Variants in RBFOX1 observed in about 807,000 individuals in gnomAD.
The protein encoded by RBFOX1 is RNA binding protein fox-1 homolog 1.
RBFOX1 carries 8 observed loss-of-function variants against 57.7 expected under a neutral mutation model. The observed-to-expected ratio is 0.14, with a 90% CI of 0.08 to 0.25. The LOEUF (loss-of-function observed/expected upper bound fraction) is 0.25. Ranked by LOEUF, RBFOX1 falls within the 10% of genes least tolerant of loss-of-function variation. The pLI is 1.00. For synonymous variants in RBFOX1, 326 were observed against 222.4 expected, an observed-to-expected ratio of 1.47 and a Z score of -4.15; for missense variants, 611 against 548.5, an observed-to-expected ratio of 1.11 and a Z score of -1.14.
At chr16:6,664,190 A>G (rs1023289450) in intron 3 of RBFOX1, among the ~76,000 whole-genome samples, 1 of 151,930 alleles carries the variant, frequency 6.6e-6, no homozygotes, top group African/African-American at 2.4e-5. Context: ...GGACAAAGAG[A>G]TCTAACACCA....
chr16:5,249,773 A>G (rs1429760559), intron 1 of RBFOX1, among the ~76,000 whole-genome samples: 2 of 152,252 alleles, frequency 1.3e-5, no homozygotes, highest in East Asian at 3.8e-4. Flanking sequence ...AGCTTGGCCA[A>G]AATAGTGAAA....
intron 1 of RBFOX1, among the ~76,000 whole-genome samples, chr16:6,088,305 T>A (rs1483249484): frequency 6.6e-6 from 1 of 152,202 alleles, no homozygotes; most frequent in African/African-American, 2.4e-5. Context: ...ATAAGGGTAT[T>A]TTCACAGATG....
intron 4 of RBFOX1, among the ~76,000 whole-genome samples, chr16:7,089,949 C>T (rs1018797043): frequency 6.6e-6 from 1 of 151,498 alleles, no homozygotes; most frequent in Non-Finnish European, 1.5e-5. Flanking sequence ...ATTGGAACAG[C>T]TGGATGCAGG....
At chr16:5,400,967 C>G (rs1305732193) in intron 1 of RBFOX1, among the ~76,000 whole-genome samples, 1 of 152,030 alleles carries the variant, frequency 6.6e-6, no homozygotes, top group Non-Finnish European at 1.5e-5. Context: ...CTTTATATAT[C>G]AAAGAAGTTA....
At chr16:7,676,712 A>G in intron 13 of RBFOX1, 62 bp from the exon 14 acceptor site, 1 of 1,418,506 alleles carries the variant, frequency 7.0e-7, no homozygotes, top group Non-Finnish European at 1.0e-6. Context: ...TGGTCTTGCC[A>G]CTGGGCATCC....
intron 4 of RBFOX1, among the ~76,000 whole-genome samples, chr16:7,261,570 A>G (rs548206174): frequency 9.2e-5 from 14 of 152,278 alleles, no homozygotes; most frequent in African/African-American, 3.4e-4. Flanking sequence ...TCTTCATCAA[A>G]CCGTGCTTTA....
chr16:6,908,557 T>G (rs1472988406), intron 3 of RBFOX1, among the ~76,000 whole-genome samples: 3 of 152,130 alleles, frequency 2.0e-5, no homozygotes, highest in Non-Finnish European at 4.4e-5. Flanking sequence ...CTTTTCAGAG[T>G]GCCAAGCATG....
At chr16:6,443,199 G>A (rs958846599) in intron 2 of RBFOX1, among the ~76,000 whole-genome samples, 2 of 152,026 alleles carry the variant, frequency 1.3e-5, no homozygotes, top group African/African-American at 4.8e-5. Context: ...ATTCCTTTCC[G>A]GCTGAATCTT....
chr16:7,363,571 C>T (rs2097372542), intron 4 of RBFOX1, among the ~76,000 whole-genome samples: 1 of 152,088 alleles, frequency 6.6e-6, no homozygotes, highest in African/African-American at 2.4e-5. Flanking sequence ...AATGGGTCGC[C>T]TGGCTTTTAA....
intron 1 of RBFOX1, among the ~76,000 whole-genome samples, chr16:6,064,922 C>A (rs528835001): frequency 6.6e-6 from 1 of 151,516 alleles, no homozygotes; most frequent in East Asian, 1.9e-4. Flanking sequence ...ATGGAGAATC[C>A]GAATCAACAG....
chr16:6,885,282 C>T (rs533408626), intron 3 of RBFOX1, among the ~76,000 whole-genome samples: 10 of 152,278 alleles, frequency 6.6e-5, no homozygotes, highest in South Asian at 4.1e-4. Flanking sequence ...TTGCTACAGA[C>T]GCGTGTTCTC....
chr16:7,123,604 A>T (rs1038452979), intron 4 of RBFOX1, among the ~76,000 whole-genome samples: 1 of 152,058 alleles, frequency 6.6e-6, no homozygotes, highest in African/African-American at 2.4e-5. Flanking sequence ...GCCTCAAGCA[A>T]TCCTCCTGCC....
intron 2 of RBFOX1, among the ~76,000 whole-genome samples, chr16:6,604,126 A>C (rs1476701731): frequency 4.0e-5 from 6 of 151,288 alleles, no homozygotes; most frequent in African/African-American, 1.2e-4. Flanking sequence ...CACTCCCCTT[A>C]CTGTTGGCAG....
chr16:7,424,856 A>C (rs1042400982), intron 4 of RBFOX1, among the ~76,000 whole-genome samples: 2 of 152,140 alleles, frequency 1.3e-5, no homozygotes, highest in African/African-American at 4.8e-5. Flanking sequence ...TGGAAATAAC[A>C]GGTGTTATTT....
intron 4 of RBFOX1, among the ~76,000 whole-genome samples, chr16:7,288,999 T>G (rs1568048387): frequency 6.6e-6 from 1 of 152,084 alleles, no homozygotes; most frequent in African/African-American, 2.4e-5. Context: ...CTGAGTGATA[T>G]TAGAGGAAGT....
At chr16:7,617,229 C>G (rs1435416583) in intron 10 of RBFOX1, among the ~76,000 whole-genome samples, 2 of 152,124 alleles carry the variant, frequency 1.3e-5, no homozygotes, top group African/African-American at 4.8e-5. Flanking sequence ...CCCTATGATC[C>G]CTGTTTCAAC....
intron 1 of RBFOX1, among the ~76,000 whole-genome samples, chr16:5,405,944 A>G (rs1020526255): frequency 6.6e-6 from 1 of 152,188 alleles, no homozygotes; most frequent in African/African-American, 2.4e-5. Context: ...TCTGGGGAAG[A>G]GAGAACATCG....
At chr16:7,147,598 C>T (rs1255608935) in intron 4 of RBFOX1, among the ~76,000 whole-genome samples, 3 of 152,172 alleles carry the variant, frequency 2.0e-5, no homozygotes, top group African/African-American at 4.8e-5. Flanking sequence ...CATTAATTCA[C>T]TTAGATTAAT....
chr16:6,699,750 T>G (rs991305300), intron 3 of RBFOX1, among the ~76,000 whole-genome samples: 2 of 152,132 alleles, frequency 1.3e-5, no homozygotes, highest in Non-Finnish European at 2.9e-5. Context: ...AAGGAGTTTA[T>G]GATCAAGGTG....
Sources: allele counts gnomAD v4.1 joint callset (sites outside exome capture counted in the v4.1 genomes callset), GRCh38; gene constraint gnomAD v4.1.1; transcripts MANE v1.5; gene names NCBI Gene and HGNC (gene_info 2026-07-23, HGNC 2026-07-21).